The following ACO1 variants were observed in gnomAD, a reference collection of about 807,000 sequenced individuals.
ACO1 encodes the protein aconitase 1.
Under a neutral mutation model 105.1 loss-of-function variants are expected in ACO1, and 78 were observed. The observed-to-expected ratio is 0.74, with a 90% CI of 0.62 to 0.90. The LOEUF is 0.90. ACO1 is among the 40% of genes least tolerant of loss of function. The pLI, the probability that ACO1 is intolerant of heterozygous loss-of-function variation, is 0.00. For synonymous variants in ACO1, 364 were observed against 397.4 expected (o/e 0.92, Z 1.00); for missense variants, 965 against 1,111.1 (o/e 0.87, Z 1.87).
chr9:32,408,172 C>A (rs539929435), intron 3 of ACO1, among the ~76,000 whole-genome samples: 1 of 152,340 alleles, frequency 6.6e-6, no homozygotes, highest in Non-Finnish European at 1.5e-5. Flanking sequence ...AGGTCTTTGT[C>A]AAGCCACCAT....
Position 32,452,968 on chromosome 9 carries a change from C to T in ACO1, c.*2857C>T, listed in dbSNP as rs1313189199. On this transcript the variant is annotated 3_prime_UTR_variant, in exon 21 of 21. Coordinates refer to ENST00000309951, the MANE Select transcript of ACO1 (RefSeq NM_002197.3). Reference sequence around the variant, plus strand: ...GACCCTATCAATCAATCACCACCCCCCCCCCCCCCAAAAAAAAAAGTATCT... The same window carrying T: ...GACCCTATCAATCAATCACCACCCCTCCCCCCCCCAAAAAAAAAAGTATCT... 2 of 92,858 alleles carry T rather than the reference C, an allele frequency of 2.2e-5. No individual in the cohort carries two copies. The highest frequency in any genetic ancestry group is 4.3e-5 in the African/African-American group (1 of 23,386). The allele number at this position is 92,858 out of a possible 1,614,324, so 5.8% of individuals were successfully genotyped here.
intron 1 of ACO1, among the ~76,000 whole-genome samples, chr9:32,391,437 T>G (rs1350229772): frequency 1.3e-5 from 2 of 152,230 alleles, no homozygotes; most frequent in African/African-American, 4.8e-5. Context: ...TATCACACTC[T>G]CTGAGCCAGT....
In ACO1 at chr9:32,449,994, AC is replaced by A. The variant is rs1822721513; in HGVS notation, c.2557-3del. 6.2e-7 allele frequency: 1 copy of A among 1,612,476 alleles called. No homozygotes were observed. Among genetic ancestry groups the A allele is most frequent in the Non-Finnish European group, 8.5e-7 (1 of 1,178,730 alleles). ...AATGATGCTTCTGTTTCTTTGTGCC[AC>A]AGCTGGATACTGGCAAGACCTTCCA... On this transcript the variant is annotated splice_region_variant and splice_polypyrimidine_tract_variant and intron_variant, in intron 20 of 20. Transcript: ENST00000309951.
Position 32,433,822 on chromosome 9 carries a change from T to G in ACO1, c.1946T>G (p.Phe649Cys), listed in dbSNP as rs759323554. ...KSTYIKSPPF[F>C]ENLTLDLQPP... is the part of the protein sequence containing the mutation. Reference sequence around the variant, plus strand: ...ACGTATATCAAATCACCACCATTCTTTGAAAACCTGGTATGGCTTTTTATT... The same window carrying G: ...ACGTATATCAAATCACCACCATTCTGTGAAAACCTGGTATGGCTTTTTATT... The change falls in exon 16 of 21, where the codon TTT becomes TGT. Residue 649 changes from phenylalanine (F) to cysteine (C), a missense_variant. Physicochemically the swap from Phe to Cys is radical, Grantham distance 205. Coordinates refer to ENST00000309951, the MANE Select transcript of ACO1 (RefSeq NM_002197.3). The G allele has an allele frequency of 6.2e-7, 1 of 1,603,108 alleles. No homozygotes were observed. Among genetic ancestry groups the G allele is most frequent in the Non-Finnish European group, 8.5e-7 (1 of 1,176,188 alleles).
chr9:32,423,096 G>A (rs1214300102), intron 8 of ACO1, among the ~76,000 whole-genome samples: 1 of 152,198 alleles, frequency 6.6e-6, no homozygotes, highest in Non-Finnish European at 1.5e-5. Context: ...CAGTCACTTT[G>A]ATAGGAACAG....
chr9:32,407,336 A>G lies in ACO1; in HGVS notation c.173A>G (p.Gln58Arg), dbSNP rs1487329918. Reference protein sequence around the residue: ...RNCDEFLVKKQDIENILHWNV... With the variant: ...RNCDEFLVKKRDIENILHWNV... ...TGTGATGAGTTTTTGGTGAAGAAAC[A>G]GGATATTGAAAATATTCTACATTGG... Residue 58 changes from glutamine to arginine, a missense_variant, in exon 3 of 21, where the codon CAG becomes CGG. Physicochemically the swap from Gln to Arg is conservative, Grantham distance 43 (BLOSUM62 1). Transcript: ENST00000309951. The G allele has an allele frequency of 8.7e-6, 14 of 1,614,080 alleles. No homozygotes were observed. The highest frequency in any genetic ancestry group is 1.2e-5 in the Non-Finnish European group (14 of 1,180,024).
At position 32,454,560 on chromosome 9, in the gene ACO1, G is replaced by C. The variant is rs1822838253; in HGVS notation, c.*4449G>C. 6.6e-6 allele frequency: 1 copy of C among 152,152 alleles called. No homozygotes were observed. Among genetic ancestry groups the C allele is most frequent in the Non-Finnish European group, 1.5e-5 (1 of 68,022 alleles). The allele number at this position is 152,152 out of a possible 1,614,324, so 9.4% of individuals were successfully genotyped here. A position where few individuals can be genotyped will look rare whatever the true frequency, so the allele number is the denominator to read the frequency against. ...AGGATGCTCTAATGGGGCTGGGCAT[G>C]TGTCCATGAAAAAGACTCCCCAGTT... On this transcript the variant is annotated 3_prime_UTR_variant, in exon 21 of 21. Transcript: ENST00000309951.
chr9:32,416,065 A>G (rs1821840767), intron 4 of ACO1, among the ~76,000 whole-genome samples: 1 of 151,908 alleles, frequency 6.6e-6, no homozygotes, highest in Non-Finnish European at 1.5e-5. Context: ...TATCAAGAGA[A>G]AAAAAATCTG....
At position 32,423,321 on chromosome 9, in the gene ACO1, C is replaced by G; in HGVS notation, c.973C>G (p.Arg325Gly). ...VSITYLVQTG[R>G]DEEKLKYIKK... ...TTACTCCTTAAAATGCCTTTTAGGT[C>G]GTGATGAAGAAAAATTAAAGTATAT... The change falls in exon 9 of 21, where the codon CGT becomes GGT. Residue 325 changes from arginine (R) to glycine (G), a missense_variant and splice_region_variant. By Grantham distance (125) the Arg-to-Gly change is moderately radical (BLOSUM62 -2). Transcript: ENST00000309951. 2.5e-6 allele frequency: 4 copies of G among 1,574,854 alleles called. No homozygotes were observed. The highest frequency in any genetic ancestry group is 3.4e-6 in the Non-Finnish European group (4 of 1,160,006).
At chr9:32,397,688 G>T (rs1201544669) in intron 1 of ACO1, among the ~76,000 whole-genome samples, 3 of 152,216 alleles carry the variant, frequency 2.0e-5, no homozygotes, top group Non-Finnish European at 4.4e-5. Flanking sequence ...TTAATGAGCT[G>T]CAGTGAACCT....
intron 1 of ACO1, among the ~76,000 whole-genome samples, chr9:32,390,939 C>A (rs1041320): frequency 0.96 from 146,082 of 152,282 alleles, 70,250 homozygotes; most frequent in Non-Finnish European, 1. Context: ...TGAAAAAATA[C>A]AACTGAATAA....
At chr9:32,405,396 A>T in intron 1 of ACO1, 89 bp from the exon 2 acceptor site, 1 of 708,382 alleles carries the variant, frequency 1.4e-6, no homozygotes, top group Non-Finnish European at 2.5e-6. Flanking sequence ...TAAAAGAAAC[A>T]TAGTAAAAAC....
chr9:32,394,978 C>T (rs1821342098), intron 1 of ACO1, among the ~76,000 whole-genome samples: 1 of 152,138 alleles, frequency 6.6e-6, no homozygotes, highest in Non-Finnish European at 1.5e-5. Context: ...GACACCCAAT[C>T]TCTTGTGGTG....
intron 19 of ACO1, among the ~76,000 whole-genome samples, chr9:32,446,539 A>C (rs190832970): frequency 6.6e-6 from 1 of 152,258 alleles, no homozygotes; most frequent in African/African-American, 2.4e-5. Context: ...GACTCTATCC[A>C]ATTTGCCAGT....
chr9:32,446,211 A>T (rs1019275303), intron 19 of ACO1, among the ~76,000 whole-genome samples: 1 of 152,148 alleles, frequency 6.6e-6, no homozygotes, highest in South Asian at 2.1e-4. Context: ...TGGGGTGTTA[A>T]AGTCTCCCAC....
intron 5 of ACO1, 50 bp from the exon 6 acceptor site, chr9:32,418,278 G>A (rs1189312090): frequency 6.2e-7 from 1 of 1,612,890 alleles, no homozygotes; most frequent in South Asian, 1.1e-5. Flanking sequence ...GATGGGCTGA[G>A]TAGAAGTACT....
intron 4 of ACO1, among the ~76,000 whole-genome samples, chr9:32,409,695 T>G (rs1424543888): frequency 6.6e-6 from 1 of 151,766 alleles, no homozygotes; most frequent in African/African-American, 2.4e-5. Flanking sequence ...TACAAATAAC[T>G]TTTTAAAAAT....
chr9:32,385,818 T>TA (rs375006423), intron 1 of ACO1, among the ~76,000 whole-genome samples: 85 of 152,354 alleles, frequency 5.6e-4, no homozygotes, highest in African/African-American at 2.0e-3. Context: ...TGGAGATCCC[T>TA]AGGAGTTCTC....
At chr9:32,404,209 G>C (rs917685971) in intron 1 of ACO1, among the ~76,000 whole-genome samples, 28 of 152,162 alleles carry the variant, frequency 1.8e-4, no homozygotes, top group Non-Finnish European at 3.1e-4. Flanking sequence ...TCCAAAAGCA[G>C]TCCTAATAGC....
Sources: allele counts gnomAD v4.1 joint callset (sites outside exome capture counted in the v4.1 genomes callset), GRCh38; gene constraint gnomAD v4.1.1; transcripts MANE v1.5; gene names NCBI Gene and HGNC (gene_info 2026-07-23, HGNC 2026-07-21).